AKAP13: variants seen among roughly 807,000 people sequenced by gnomAD.
AKAP13 encodes the protein A-kinase anchoring protein 13, also known as A-kinase anchor protein 13.
Under a neutral mutation model 264.5 loss-of-function variants are expected in AKAP13, and 80 were observed. The observed-to-expected ratio is 0.30, with a 90% CI of 0.25 to 0.36. The LOEUF is 0.36. AKAP13 is among the 10% of genes least tolerant of loss of function. AKAP13 has a pLI of 1.00. For synonymous variants in AKAP13, 1,380 were observed against 1,250.2 expected, an observed-to-expected ratio of 1.10 and a Z score of -2.19; for missense variants, 3,712 against 3,435.2, an observed-to-expected ratio of 1.08 and a Z score of -2.01.
Position 85,599,150 on chromosome 15 carries a change from C to G in AKAP13, c.4161+13327C>G, listed in dbSNP as rs1006882726. On this transcript the variant is annotated intron_variant, in intron 8 of 36. Coordinates refer to ENST00000394518, the MANE Select transcript of AKAP13 (RefSeq NM_007200.5). The stretch of plus-strand genomic sequence containing the variant: ...ACATCAAGCTCAGTGGATTGTTTTT[C>G]CCTTGTCTGAGCCTGCTCTTTCCTC... Among the ~76,000 whole-genome samples the G allele has an allele frequency of 2.0e-5, 3 of 152,228 alleles. No individual in the cohort carries two copies. In the Middle Eastern group the frequency reaches 0.01, roughly 518 times the overall value.
chr15:85,570,736 G>A (rs186850857), intron 5 of AKAP13, among the ~76,000 whole-genome samples: 2 of 152,264 alleles, frequency 1.3e-5, no homozygotes, highest in Non-Finnish European at 2.9e-5. Flanking sequence ...TCCCCTGGGG[G>A]CCATATTCCT....
intron 1 of AKAP13, among the ~76,000 whole-genome samples, chr15:85,393,643 C>G (rs1288484012): frequency 6.6e-6 from 1 of 152,176 alleles, no homozygotes; most frequent in African/African-American, 2.4e-5. Flanking sequence ...CTCTTAATTC[C>G]TTACAGTAAT....
intron 30 of AKAP13, among the ~76,000 whole-genome samples, chr15:85,732,962 T>A (rs2088164342): frequency 6.6e-6 from 1 of 152,128 alleles, no homozygotes; most frequent in Non-Finnish European, 1.5e-5. Flanking sequence ...TTTGAAAAAA[T>A]AGTTGTGCTG....
chr15:85,540,781 A>G (rs1371247110), intron 4 of AKAP13, among the ~76,000 whole-genome samples: 1 of 152,248 alleles, frequency 6.6e-6, no homozygotes, highest in Non-Finnish European at 1.5e-5. Flanking sequence ...TGACCCCTGA[A>G]TCAAATAAAA....
intron 5 of AKAP13, among the ~76,000 whole-genome samples, chr15:85,574,351 G>A (rs1249661294): frequency 4.6e-5 from 7 of 152,220 alleles, no homozygotes; most frequent in Admixed American, 6.5e-5. Flanking sequence ...TACGGGCATG[G>A]GTATGCCTTC....
intron 3 of AKAP13, among the ~76,000 whole-genome samples, chr15:85,526,718 G>C (rs1596439073): frequency 1.3e-5 from 2 of 152,130 alleles, no homozygotes; most frequent in African/African-American, 4.8e-5. Flanking sequence ...CCCCAGCCTG[G>C]CCCTGCCCCT....
intron 8 of AKAP13, among the ~76,000 whole-genome samples, chr15:85,623,379 C>A (rs1323081048): frequency 1.3e-5 from 2 of 152,152 alleles, no homozygotes; most frequent in Non-Finnish European, 2.9e-5. Context: ...AATTGTGAGC[C>A]TGTCACTTTG....
At chr15:85,730,411 T>C (rs2087918820) in intron 29 of AKAP13, 102 bp from the exon 30 acceptor site, 2 of 1,258,332 alleles carry the variant, frequency 1.6e-6, no homozygotes, top group Non-Finnish European at 2.2e-6. Flanking sequence ...TGTCCTGTCT[T>C]GTCACTTTCC....
intron 16 of AKAP13, among the ~76,000 whole-genome samples, chr15:85,691,027 C>T (rs1045181908): frequency 3.3e-5 from 5 of 152,156 alleles, no homozygotes; most frequent in Non-Finnish European, 7.3e-5. Flanking sequence ...TTATCTTTAT[C>T]CTCTACGTTG....
intron 1 of AKAP13, among the ~76,000 whole-genome samples, chr15:85,421,703 CCT>C (rs910296305): frequency 7.5e-4 from 115 of 152,368 alleles, no homozygotes; most frequent in African/African-American, 2.7e-3. Context: ...GGCCCTTCCT[CCT>C]CTGTTAATGA....
intron 10 of AKAP13, among the ~76,000 whole-genome samples, chr15:85,653,575 A>G (rs913993436): frequency 6.6e-6 from 1 of 152,122 alleles, no homozygotes; most frequent in Non-Finnish European, 1.5e-5. Flanking sequence ...ATTACATCAA[A>G]CCTTTAAAAA....
Position 85,718,137 on chromosome 15 carries a change from C to A in AKAP13, c.5979C>A (p.Val1993=). Residue 1993 remains valine (V), a synonymous_variant, in exon 22 of 37, where the codon GTC becomes GTA. Transcript: ENST00000394518. The surrounding 1 kb of genome is among the most constrained non-coding windows in gnomAD (Gnocchi z 4.9). The part of the protein sequence containing the change: ...KFLKQQKKDV[V]KRQEVIYELM... Reference sequence around the variant, plus strand: ...TAAAACAGCAAAAGAAAGATGTGGTCAAACGGCAAGAAGTAATATATGGTG... The same window carrying A: ...TAAAACAGCAAAAGAAAGATGTGGTAAAACGGCAAGAAGTAATATATGGTG... The A allele has an allele frequency of 1.9e-6, 3 of 1,614,060 alleles. No homozygotes were observed. In the South Asian group the frequency reaches 3.3e-5, roughly 18 times the overall value.
intron 8 of AKAP13, among the ~76,000 whole-genome samples, chr15:85,613,470 A>G (rs2080767978): frequency 6.6e-6 from 1 of 151,942 alleles, no homozygotes; most frequent in African/African-American, 2.4e-5. Context: ...TCACGAGGTC[A>G]GGAGATCGAG....
chr15:85,454,258 C>T (rs1320996317), intron 1 of AKAP13, among the ~76,000 whole-genome samples: 1 of 152,214 alleles, frequency 6.6e-6, no homozygotes. Context: ...GGTCTTCACG[C>T]ATGCCAAGAC....
intron 8 of AKAP13, chr15:85,619,315 G>T (rs2081074655): frequency 1.0e-6 from 1 of 968,478 alleles, no homozygotes; most frequent in South Asian, 4.8e-5. Flanking sequence ...TCTTGAGAGA[G>T]AAGGAAAAAG....
chr15:85,614,603 A>G (rs1422661755), intron 8 of AKAP13, among the ~76,000 whole-genome samples: 1 of 152,222 alleles, frequency 6.6e-6, no homozygotes. Flanking sequence ...ATTGATTATG[A>G]GTAATGAATC....
intron 1 of AKAP13, among the ~76,000 whole-genome samples, chr15:85,432,201 A>C (rs2073054468): frequency 6.6e-6 from 1 of 152,156 alleles, no homozygotes; most frequent in Non-Finnish European, 1.5e-5. Context: ...AACTTAGCCT[A>C]ACTCTATAGT....
intron 5 of AKAP13, among the ~76,000 whole-genome samples, chr15:85,570,358 A>C (rs1188919484): frequency 1.3e-5 from 2 of 152,154 alleles, no homozygotes; most frequent in Non-Finnish European, 2.9e-5. Context: ...AGGCGGAGGC[A>C]GGAGAATCTC....
At chr15:85,427,432 C>CT (rs2072843948) in intron 1 of AKAP13, among the ~76,000 whole-genome samples, 1 of 151,986 alleles carries the variant, frequency 6.6e-6, no homozygotes, top group Non-Finnish European at 1.5e-5. Context: ...TAATCCTAAA[C>CT]GCTTGATAGA....
Sources: allele counts gnomAD v4.1 joint callset (sites outside exome capture counted in the v4.1 genomes callset), GRCh38; gene constraint gnomAD v4.1.1; non-coding constraint Gnocchi (gnomAD v3.1); transcripts MANE v1.5; gene names NCBI Gene and HGNC (gene_info 2026-07-23, HGNC 2026-07-21).